Variants in RAP1GDS1 observed in about 807,000 individuals in gnomAD.
RAP1GDS1 encodes RAP1, GTP-GDP dissociation stimulator 1.
Under a neutral mutation model 71.1 loss-of-function variants are expected in RAP1GDS1, and 35 were observed. That is an observed-to-expected ratio of 0.49 (90% CI 0.38 to 0.65). The LOEUF (loss-of-function observed/expected upper bound fraction) is 0.65, where lower values mean the gene tolerates loss of function less well. Among genes scored for constraint, RAP1GDS1 ranks in the 30% least tolerant of loss-of-function variants. The probability of loss-of-function intolerance (pLI) is 0.00; values close to 1 mark genes in which losing one functional copy is unlikely to be tolerated. For missense variants in RAP1GDS1, 663 were observed against 706.1 expected, an observed-to-expected ratio of 0.94 and a Z score of 0.69; for synonymous variants, 229 against 243.1, an observed-to-expected ratio of 0.94 and a Z score of 0.54.
At chr4:98,348,221 T>G (rs1454276564) in intron 3 of RAP1GDS1, among the ~76,000 whole-genome samples, 1 of 152,124 alleles carries the variant, frequency 6.6e-6, no homozygotes, top group Non-Finnish European at 1.5e-5. Flanking sequence ...TGGTGTTTGT[T>G]TTTTTGTCCC....
intron 4 of RAP1GDS1, among the ~76,000 whole-genome samples, chr4:98,358,560 A>T (rs1020734611): frequency 6.6e-6 from 1 of 151,896 alleles, no homozygotes; most frequent in African/African-American, 2.4e-5. Flanking sequence ...GTGTTGTGTG[A>T]TATATCCAAG....
In RAP1GDS1 at chr4:98,352,594, C is replaced by T. The variant is rs550724274; in HGVS notation, c.354C>T (p.Tyr118=). The T allele has an allele frequency of 8.7e-6, 14 of 1,613,490 alleles. No individual in the cohort carries two copies. Among genetic ancestry groups the T allele is most frequent in the African/African-American group, 8.0e-5 (6 of 75,000 alleles). ...GCAGGGCTCTAGGAAACATATGTTA[C>T]GATAGCCGTAAGTGTTGACATCTCA... The part of the protein sequence containing the change: ...QTGRALGNIC[Y]DSHEGRSAVD... Residue 118 remains tyrosine (Y), a synonymous_variant, in exon 4 of 15, where the codon TAC becomes TAT. Coordinates refer to ENST00000408927, the MANE Select transcript of RAP1GDS1 (RefSeq NM_001100427.2).
chr4:98,385,347 T>C (rs1742588369), intron 5 of RAP1GDS1, among the ~76,000 whole-genome samples: 1 of 151,780 alleles, frequency 6.6e-6, no homozygotes, highest in Non-Finnish European at 1.5e-5. Context: ...AATATGATGA[T>C]ATGAGGCACA....
chr4:98,416,976 T>C, intron 8 of RAP1GDS1, 88 bp downstream of exon 8: 1 of 1,399,592 alleles, frequency 7.1e-7, no homozygotes, highest in Non-Finnish European at 9.8e-7. Context: ...ACCCTAGACA[T>C]TTTCTCATAT....
chr4:98,372,961 A>T (rs1032601165), intron 4 of RAP1GDS1, among the ~76,000 whole-genome samples: 14 of 152,192 alleles, frequency 9.2e-5, no homozygotes, highest in African/African-American at 3.4e-4. Context: ...AAGTGCTGAG[A>T]TTATAGGCGT....
chr4:98,361,076 CAAAA>C (rs1210869882), intron 4 of RAP1GDS1, among the ~76,000 whole-genome samples: 4 of 82,056 alleles, frequency 4.9e-5, no homozygotes, highest in African/African-American at 3.6e-5. Flanking sequence ...GACTCTGTCT[CAAAA>C]AAAAAAAAAA....
At position 98,420,049 on chromosome 4, in the gene RAP1GDS1, G is replaced by T. The variant is rs753110963; in HGVS notation, c.1205G>T (p.Gly402Val). The change falls in exon 11 of 15, where the codon GGG becomes GTG. Residue 402 changes from glycine to valine, a missense_variant. Gly to Val is a moderately radical substitution (Grantham distance 109). Transcript: ENST00000408927. Reference sequence around the variant, plus strand: ...AATAAAGCAAAGATGTTATCAGCTGGGGTCACAGAGGCAGTTTTGAAATTT... The same window carrying T: ...AATAAAGCAAAGATGTTATCAGCTGTGGTCACAGAGGCAGTTTTGAAATTT... ...VINKAKMLSA[G>V]VTEAVLKFLK... 6.2e-7 allele frequency: 1 copy of T among 1,605,582 alleles called. No individual in the cohort carries two copies. Among genetic ancestry groups the T allele is most frequent in the Non-Finnish European group, 8.5e-7 (1 of 1,175,664 alleles).
chr4:98,371,114 TC>T (rs1390282821), intron 4 of RAP1GDS1, among the ~76,000 whole-genome samples: 4 of 150,884 alleles, frequency 2.7e-5, no homozygotes, highest in Non-Finnish European at 5.9e-5. Context: ...GATTGTTATA[TC>T]TTTTTTTTTT....
At chr4:98,267,967 G>A (rs1159499172) in intron 1 of RAP1GDS1, among the ~76,000 whole-genome samples, 1 of 152,174 alleles carries the variant, frequency 6.6e-6, no homozygotes, top group African/African-American at 2.4e-5. Context: ...TCCACTAACA[G>A]TGTAAAAACA....
At chr4:98,432,362 T>C (rs181488557) in intron 12 of RAP1GDS1, among the ~76,000 whole-genome samples, 55 of 152,364 alleles carry the variant, frequency 3.6e-4, no homozygotes, top group African/African-American at 1.3e-3. Context: ...TCTTATGGTC[T>C]TCTTTACTCA....
chr4:98,309,872 G>A (rs1166636811), intron 2 of RAP1GDS1, among the ~76,000 whole-genome samples: 2 of 150,362 alleles, frequency 1.3e-5, no homozygotes, highest in South Asian at 2.1e-4. Context: ...ATTTTCTAGG[G>A]TAATATATGT....
chr4:98,411,633 G>T (rs1240020002), intron 7 of RAP1GDS1, among the ~76,000 whole-genome samples: 1 of 152,034 alleles, frequency 6.6e-6, no homozygotes, highest in East Asian at 1.9e-4. Context: ...AACTTTCCTT[G>T]CAGTATTTCA....
intron 10 of RAP1GDS1, 25 bp downstream of exon 10, chr4:98,418,816 C>T: frequency 2.6e-6 from 4 of 1,547,430 alleles, no homozygotes; most frequent in African/African-American, 1.4e-5. Context: ...TAGAAGGCAG[C>T]TGTGTACAAA....
chr4:98,399,497 C>A (rs555068540), intron 6 of RAP1GDS1, among the ~76,000 whole-genome samples: 4 of 152,132 alleles, frequency 2.6e-5, no homozygotes, highest in African/African-American at 9.6e-5. Context: ...TTTTACCATG[C>A]TTCCCAGGCT....
At chr4:98,433,544 C>T (rs1315511971) in intron 12 of RAP1GDS1, among the ~76,000 whole-genome samples, 1 of 152,108 alleles carries the variant, frequency 6.6e-6, no homozygotes, top group Non-Finnish European at 1.5e-5. Flanking sequence ...CCTGTCAGAG[C>T]ACTGGGATTA....
chr4:98,360,367 A>ACCCAAC (rs1738555227), intron 4 of RAP1GDS1, among the ~76,000 whole-genome samples: 1 of 116,252 alleles, frequency 8.6e-6, no homozygotes, highest in Admixed American at 9.3e-5. Flanking sequence ...CCCCACCCCC[A>ACCCAAC]TTCTCTGAGT....
intron 4 of RAP1GDS1, among the ~76,000 whole-genome samples, chr4:98,372,116 T>C (rs1327332751): frequency 6.6e-6 from 1 of 152,100 alleles, no homozygotes; most frequent in African/African-American, 2.4e-5. Flanking sequence ...TTTGTCCGCC[T>C]TTTTTTGGAT....
intron 4 of RAP1GDS1, among the ~76,000 whole-genome samples, chr4:98,354,047 A>G (rs1433564788): frequency 1.3e-5 from 2 of 151,798 alleles, no homozygotes; most frequent in Non-Finnish European, 2.9e-5. Context: ...AAGGGTACCA[A>G]AAGTATTCTT....
chr4:98,416,059 A>G (rs908442766), intron 7 of RAP1GDS1, among the ~76,000 whole-genome samples: 3 of 151,890 alleles, frequency 2.0e-5, no homozygotes, highest in Non-Finnish European at 4.4e-5. Flanking sequence ...TGGGATTACA[A>G]GTGTAAGCCA....
Sources: gnomAD v4.1 joint callset for allele counts (sites outside exome capture counted in the v4.1 genomes callset) on GRCh38, gnomAD v4.1.1 for gene constraint, MANE v1.5 for transcripts, NCBI Gene and HGNC (gene_info 2026-07-23, HGNC 2026-07-21) for gene names.